Variants in PXK observed in about 807,000 individuals in gnomAD.
PXK encodes PX domain containing serine/threonine kinase like.
PXK carries 35 observed loss-of-function variants against 84.7 expected under a neutral mutation model. The ratio of observed to expected loss-of-function variants is 0.41; its 90% confidence interval spans 0.32 to 0.55. The LOEUF (loss-of-function observed/expected upper bound fraction) is 0.55. Ranked by LOEUF, PXK falls within the 20% of genes least tolerant of loss-of-function variation. PXK has a pLI of 0.21. For missense variants in PXK, 634 were observed against 699.7 expected (o/e 0.91, Z 1.06); for synonymous variants, 253 against 260.8 (o/e 0.97, Z 0.29).
rs532081664 is a variant in PXK, at chr3:58,425,606, A to T, written c.*646A>T. 6.6e-6 allele frequency: 1 copy of T among 152,380 alleles called. No homozygotes were observed. The highest frequency in any genetic ancestry group is 1.9e-4 in the East Asian group (1 of 5,186). 9.4% of individuals were successfully genotyped at this position (152,380 alleles called of 1,614,324 possible). A position where few individuals can be genotyped will look rare whatever the true frequency, so the allele number is the denominator to read the frequency against. On this transcript the variant is annotated 3_prime_UTR_variant, in exon 18 of 18. Transcript: ENST00000356151. Reference sequence around the variant, plus strand: ...CTGCTAAAGCAACTACTCTAGACCCATAGTTCTTTTTAGTTAGATGTATTG... The same window carrying T: ...CTGCTAAAGCAACTACTCTAGACCCTTAGTTCTTTTTAGTTAGATGTATTG...
rs1040919867 is a variant in PXK, at chr3:58,394,998, C to A, written c.616C>A (p.His206Asn). ...CLIKLLPSCLHPYIYRVTFAT... is the reference protein window; with the variant it reads ...CLIKLLPSCLNPYIYRVTFAT... ...GTGAATTTCTTTTTTGTTTTGACAG[C>A]ACCCTTACATCTATCGGGTTACCTT... The change falls in exon 8 of 18, where the codon CAC (histidine) becomes AAC (asparagine). Residue 206 changes from histidine to asparagine, a missense_variant and splice_region_variant. Physicochemically the swap from His to Asn is moderately conservative, Grantham distance 68. Around this residue, in one of 3 missense-constraint regions of PXK, gnomAD observed 353 missense variants for 385.2 expected, o/e 0.92. Transcript: ENST00000356151. 2.5e-6 allele frequency: 4 copies of A among 1,603,500 alleles called. No individual in the cohort carries two copies. Among genetic ancestry groups the A allele is most frequent in the Non-Finnish European group, 3.4e-6 (4 of 1,171,316 alleles).
chr3:58,366,952 A>G (rs1019780611), intron 2 of PXK, among the ~76,000 whole-genome samples: 16 of 152,148 alleles, frequency 1.1e-4, no homozygotes, highest in African/African-American at 3.9e-4. Flanking sequence ...GGATGACCTT[A>G]TATTTAACTT....
intron 3 of PXK, among the ~76,000 whole-genome samples, chr3:58,376,221 C>G (rs938043441): frequency 2.6e-5 from 4 of 151,998 alleles, no homozygotes; most frequent in African/African-American, 9.7e-5. Context: ...TTGAGACCAG[C>G]CTGGCCAACA....
At chr3:58,408,822 G>A (rs868490332) in intron 13 of PXK, 102 bp from the exon 14 acceptor site, 14 of 928,948 alleles carry the variant, frequency 1.5e-5, no homozygotes, top group Middle Eastern at 2.1e-4. Flanking sequence ...GCGCCCGGCC[G>A]AAATGACTCT....
Position 58,408,924 on chromosome 3 carries a change from A to G in PXK, c.1231A>G (p.Ile411Val). ...LTTSEKPQFK[I>V]PTKLKEALRI... is the part of the protein sequence containing the mutation. ...ATGATGTACTTTTCTCTCCTTTCAG[A>G]TCCCTACAAAGTTAAAAGAGGCATT... is the stretch of plus-strand genomic sequence containing the variant. Residue 411 changes from isoleucine to valine, a missense_variant and splice_region_variant, in exon 14 of 18, where the codon ATC becomes GTC. Physicochemically the swap from Ile to Val is conservative, Grantham distance 29. Transcript: ENST00000356151. 6.4e-7 allele frequency: 1 copy of G among 1,568,956 alleles called. No individual in the cohort carries two copies. Among genetic ancestry groups the G allele is most frequent in the Non-Finnish European group, 8.8e-7 (1 of 1,139,230 alleles).
rs568980499 is a variant in PXK at position 58,382,553 on chromosome 3, A to G, written c.241A>G (p.Ile81Val). ...LSLPLPPKKL[I>V]GNMDREFIAE... is the part of the protein sequence containing the mutation. ...TCTACCTCTTCCTCCCAAAAAATTG[A>G]TTGGTAACATGGATCGTGAATTCAT... is the stretch of plus-strand genomic sequence containing the variant. The change falls in exon 4 of 18, where the codon ATT (isoleucine) becomes GTT (valine). Residue 81 changes from isoleucine to valine, a missense_variant. By Grantham distance (29) the Ile-to-Val change is conservative. Around this residue, in one of 3 missense-constraint regions of PXK, gnomAD observed 353 missense variants for 385.2 expected, o/e 0.92. Coordinates refer to ENST00000356151, the MANE Select transcript of PXK (RefSeq NM_017771.5). 6.3e-7 allele frequency: 1 copy of G among 1,585,656 alleles called. No individual in the cohort carries two copies. Among genetic ancestry groups the G allele is most frequent in the Non-Finnish European group, 8.5e-7 (1 of 1,171,248 alleles).
At position 58,412,959 on chromosome 3, in the gene PXK, A is replaced by C; in HGVS notation, c.1524A>C (p.Thr508=). Residue 508 remains threonine (T), a synonymous_variant, in exon 17 of 18, where the codon ACA becomes ACC. Coordinates refer to ENST00000356151, the MANE Select transcript of PXK (RefSeq NM_017771.5). The surrounding 1 kb of genome is among the most constrained non-coding windows in gnomAD (Gnocchi z 6.2). The part of the protein sequence containing the change: ...TSPSSPTPPS[T]SGISALPPPP... ...CGTCATCGCCAACTCCACCCTCTACATCAGGTTAGTGATGGAGTAAAGTGA... is the reference window on the plus strand; with the variant it reads ...CGTCATCGCCAACTCCACCCTCTACCTCAGGTTAGTGATGGAGTAAAGTGA... The C allele has an allele frequency of 2.5e-6, 4 of 1,613,954 alleles. No homozygotes were observed. Among genetic ancestry groups the C allele is most frequent in the Non-Finnish European group, 3.4e-6 (4 of 1,179,922 alleles).
chr3:58,423,718 GAC>G (rs2062333447), intron 17 of PXK, among the ~76,000 whole-genome samples: 1 of 152,218 alleles, frequency 6.6e-6, no homozygotes, highest in South Asian at 2.1e-4. Flanking sequence ...GACAGCATCT[GAC>G]AGAGTCTCAG....
At chr3:58,424,405 G>T (rs2062495466) in intron 17 of PXK, among the ~76,000 whole-genome samples, 1 of 152,210 alleles carries the variant, frequency 6.6e-6, no homozygotes, top group African/African-American at 2.4e-5. Context: ...CCTGGCTAAA[G>T]TAACTGATAG....
intron 17 of PXK, chr3:58,423,192 T>TG: frequency 1.0e-6 from 1 of 984,682 alleles, no homozygotes; most frequent in South Asian, 4.7e-5. Context: ...TCATCACACA[T>TG]GCTTATTCTC....
At chr3:58,350,554 G>A (rs937528068) in intron 1 of PXK, among the ~76,000 whole-genome samples, 6 of 152,198 alleles carry the variant, frequency 3.9e-5, no homozygotes, top group African/African-American at 7.2e-5. Context: ...GGTAGGAACC[G>A]CTGTGCCCCT....
At chr3:58,336,049 ATATATATATATATATATATATATTT>A (rs1347979676) in intron 1 of PXK, among the ~76,000 whole-genome samples, 1 of 48,528 alleles carries the variant, frequency 2.1e-5, no homozygotes, top group Admixed American at 2.1e-4. Flanking sequence ...ATATATATAT[ATATATATATATATATATATATATTT>A]TTTTTTTTTT....
intron 9 of PXK, among the ~76,000 whole-genome samples, chr3:58,396,640 T>C (rs910206690): frequency 1.3e-5 from 2 of 152,220 alleles, no homozygotes; most frequent in African/African-American, 4.8e-5. Flanking sequence ...AACCCCTTTT[T>C]CTGAATTACT....
intron 1 of PXK, among the ~76,000 whole-genome samples, chr3:58,334,786 CTAAA>C (rs1408045525): frequency 1.3e-5 from 2 of 152,178 alleles, no homozygotes; most frequent in Non-Finnish European, 2.9e-5. Flanking sequence ...TATCAAATGA[CTAAA>C]TAATCCAACT....
intron 17 of PXK, among the ~76,000 whole-genome samples, chr3:58,415,593 C>T (rs569691304): frequency 6.6e-6 from 1 of 152,168 alleles, no homozygotes; most frequent in Non-Finnish European, 1.5e-5. Flanking sequence ...TTTATGGAGA[C>T]GTCATTGGAT....
rs1043689052 is a variant in PXK at position 58,333,617 on chromosome 3, G to A, written c.102+527G>A. 3 of 456,660 alleles carry A rather than the reference G, an allele frequency of 6.6e-6. No homozygotes were observed. The highest frequency in any genetic ancestry group is 1.3e-5 in the Non-Finnish European group (3 of 226,924). 28.3% of individuals were successfully genotyped at this position (456,660 alleles called of 1,614,324 possible). A position where few individuals can be genotyped will look rare whatever the true frequency, so the allele number is the denominator to read the frequency against. On this transcript the variant is annotated intron_variant, in intron 1 of 17. Transcript: ENST00000356151. This position sits in a 1 kb window ranked among gnomAD's most constrained non-coding sequence, Gnocchi z 5.4. ...GTAAGTGGCTGGGGTCTGCAGCCCC[G>A]TTTCCAGGTCAGCCGCTTGGCCCTG... is the stretch of plus-strand genomic sequence containing the variant.
intron 8 of PXK, 88 bp from the exon 9 acceptor site, chr3:58,395,570 T>C (rs2057524955): frequency 6.9e-6 from 7 of 1,016,378 alleles, no homozygotes; most frequent in Non-Finnish European, 1.1e-5. Flanking sequence ...GCCCCTAGCC[T>C]CTGTAGAATC....
intron 3 of PXK, among the ~76,000 whole-genome samples, chr3:58,371,136 A>G (rs1381421266): frequency 1.3e-5 from 2 of 152,186 alleles, no homozygotes; most frequent in African/African-American, 2.4e-5. Flanking sequence ...ATGATTATGT[A>G]TTGCCATACT....
At position 58,379,469 on chromosome 3, in the gene PXK, GGA is replaced by G. The variant is rs2098477460; in HGVS notation, c.202-3044_202-3043del. 1 of 159,806 alleles carries G rather than the reference GGA, an allele frequency of 6.3e-6. No individual in the cohort carries two copies. The highest frequency in any genetic ancestry group is 2.4e-5 in the African/African-American group (1 of 41,390). The allele number at this position is 159,806 out of a possible 1,614,324, so 9.9% of individuals were successfully genotyped here. A position where few individuals can be genotyped will look rare whatever the true frequency, so the allele number is the denominator to read the frequency against. On this transcript the variant is annotated intron_variant, in intron 3 of 17. Coordinates refer to ENST00000356151, the MANE Select transcript of PXK (RefSeq NM_017771.5). The surrounding 1 kb of genome is among the most constrained non-coding windows in gnomAD (Gnocchi z 5.1). ...ATAATTCTGGCAAAAAGGAGTCCTG[GGA>G]TACCTCTGAAGTGTGGCCCTTAAAT...
Sources: gnomAD v4.1 joint callset for allele counts (sites outside exome capture counted in the v4.1 genomes callset) on GRCh38, gnomAD v4.1.1 for gene constraint, gnomAD v4.1.1 regional missense constraint, Gnocchi (gnomAD v3.1) non-coding constraint, MANE v1.5 for transcripts, NCBI Gene and HGNC (gene_info 2026-07-23, HGNC 2026-07-21) for gene names.